The following PTPRG variants were observed in gnomAD, a reference collection of about 807,000 sequenced individuals.
The protein encoded by PTPRG is protein tyrosine phosphatase receptor type G.
Under a neutral mutation model 165.3 loss-of-function variants are expected in PTPRG, and 102 were observed. The ratio of observed to expected loss-of-function variants is 0.62; its 90% CI spans 0.53 to 0.73. The LOEUF (loss-of-function observed/expected upper bound fraction) is 0.73, where lower values mean the gene tolerates loss of function less well. Among genes scored for constraint, PTPRG ranks in the 30% least tolerant of loss-of-function variants. The probability of loss-of-function intolerance (pLI) is 0.00; values close to 1 mark genes in which losing one functional copy is unlikely to be tolerated. For missense variants in PTPRG, 1,866 were observed against 1,861.4 expected, an observed-to-expected ratio of 1.00 and a Z score of -0.05; for synonymous variants, 675 against 669.5, an observed-to-expected ratio of 1.01 and a Z score of -0.13.
At chr3:61,746,819 A>T (rs2033225251) in intron 1 of PTPRG, among the ~76,000 whole-genome samples, 1 of 152,214 alleles carries the variant, frequency 6.6e-6, no homozygotes, top group African/African-American at 2.4e-5. Flanking sequence ...ATTACAAAAC[A>T]GATCCTCTAC....
chr3:61,722,247 G>A (rs376215071), intron 1 of PTPRG, among the ~76,000 whole-genome samples: 26 of 136,510 alleles, frequency 1.9e-4, no homozygotes, highest in African/African-American at 6.9e-4. Flanking sequence ...ACACACACAT[G>A]CACAAAAGAG....
chr3:61,805,519 A>C (rs919410488), intron 2 of PTPRG, among the ~76,000 whole-genome samples: 2 of 145,164 alleles, frequency 1.4e-5, no homozygotes, highest in African/African-American at 5.2e-5. Flanking sequence ...TCTTCCCGAA[A>C]ATGGGAAAGA....
chr3:61,607,891 C>T (rs78929061), intron 1 of PTPRG, among the ~76,000 whole-genome samples: 11,592 of 152,054 alleles, frequency 0.076, 552 homozygotes, highest in African/African-American at 0.13. Context: ...CCAGGCCTGG[C>T]GGGGTTGGGC....
chr3:61,771,469 G>A (rs1407565873), intron 2 of PTPRG: 1 of 151,782 alleles, frequency 6.6e-6, no homozygotes, highest in Non-Finnish European at 1.5e-5. Flanking sequence ...GACCATACAA[G>A]CTGACCATGA....
chr3:61,830,825 C>T (rs1239924409), intron 2 of PTPRG, among the ~76,000 whole-genome samples: 1 of 152,170 alleles, frequency 6.6e-6, no homozygotes, highest in Non-Finnish European at 1.5e-5. Flanking sequence ...CCACCTGCCT[C>T]GGCCTTCCAA....
chr3:62,006,343 T>G (rs919859103), intron 4 of PTPRG, among the ~76,000 whole-genome samples: 2 of 152,212 alleles, frequency 1.3e-5, no homozygotes, highest in Non-Finnish European at 2.9e-5. Flanking sequence ...GTTGCTTGCC[T>G]TTGCCCAAAG....
intron 3 of PTPRG, among the ~76,000 whole-genome samples, chr3:62,000,685 C>T (rs1399588243): frequency 6.6e-6 from 1 of 152,222 alleles, no homozygotes; most frequent in Non-Finnish European, 1.5e-5. Flanking sequence ...CCTATTGTCC[C>T]TGCCTAATGA....
intron 8 of PTPRG, among the ~76,000 whole-genome samples, chr3:62,174,127 G>A (rs73098522): frequency 0.078 from 11,807 of 152,254 alleles, 756 homozygotes; most frequent in East Asian, 0.35. Flanking sequence ...TTATTCTGCA[G>A]CATATCCCGG....
intron 1 of PTPRG, among the ~76,000 whole-genome samples, chr3:61,606,442 A>G (rs566945078): frequency 2.0e-5 from 3 of 152,346 alleles, no homozygotes; most frequent in East Asian, 3.9e-4. Flanking sequence ...TCATTAAATT[A>G]AAGTCAGCTG....
chr3:61,805,843 A>G (rs894321367), intron 2 of PTPRG, among the ~76,000 whole-genome samples: 5 of 152,182 alleles, frequency 3.3e-5, no homozygotes, highest in African/African-American at 1.2e-4. Flanking sequence ...TTTCTTGAGA[A>G]TGGTAGATGT....
intron 1 of PTPRG, among the ~76,000 whole-genome samples, chr3:61,653,907 G>T: frequency 8.0e-6 from 1 of 124,810 alleles, no homozygotes; most frequent in Non-Finnish European, 1.8e-5. Context: ...GGTGGGGGGC[G>T]CGGGGAACTG....
chr3:62,056,691 C>T (rs1034370540), intron 4 of PTPRG, among the ~76,000 whole-genome samples: 3 of 152,190 alleles, frequency 2.0e-5, no homozygotes, highest in Non-Finnish European at 2.9e-5. Context: ...AAAATGTTCC[C>T]AGACATTACC....
chr3:62,113,902 G>C (rs1184098924), intron 5 of PTPRG, among the ~76,000 whole-genome samples: 1 of 152,174 alleles, frequency 6.6e-6, no homozygotes, highest in African/African-American at 2.4e-5. Flanking sequence ...GGATTTATTA[G>C]AGTAACTTCA....
chr3:61,998,351 T>C (rs932979666), intron 3 of PTPRG, among the ~76,000 whole-genome samples: 5 of 152,164 alleles, frequency 3.3e-5, no homozygotes, highest in Non-Finnish European at 7.4e-5. Context: ...ATAATAACCT[T>C]CCTAAAGGTT....
intron 1 of PTPRG, among the ~76,000 whole-genome samples, chr3:61,715,812 C>T (rs2031777554): frequency 6.6e-6 from 1 of 151,016 alleles, no homozygotes; most frequent in African/African-American, 2.4e-5. Context: ...CTGTGGTCTC[C>T]AGATTAGAAA....
At chr3:62,134,571 TTTC>T (rs1210221045) in intron 6 of PTPRG, among the ~76,000 whole-genome samples, 3 of 152,246 alleles carry the variant, frequency 2.0e-5, no homozygotes, top group Non-Finnish European at 4.4e-5. Context: ...TAGAAAGTTG[TTTC>T]TTAAGTATCC....
intron 28 of PTPRG, among the ~76,000 whole-genome samples, chr3:62,291,565 A>G (rs1215938295): frequency 6.6e-6 from 1 of 152,172 alleles, no homozygotes; most frequent in African/African-American, 2.4e-5. Context: ...TCTTATTTGT[A>G]TTAAAGATAT....
intron 12 of PTPRG, among the ~76,000 whole-genome samples, chr3:62,209,496 G>T (rs1418235869): frequency 6.6e-6 from 1 of 151,534 alleles, no homozygotes; most frequent in African/African-American, 2.4e-5. Context: ...GCAGTACCCA[G>T]CTGTCTAGGG....
intron 4 of PTPRG, among the ~76,000 whole-genome samples, chr3:62,034,490 G>C (rs1699879270): frequency 6.6e-6 from 1 of 152,242 alleles, no homozygotes; most frequent in African/African-American, 2.4e-5. Flanking sequence ...CGGTCTCTTG[G>C]AAAGGCAGCA....
Sources: allele counts gnomAD v4.1 joint callset (sites outside exome capture counted in the v4.1 genomes callset), GRCh38; gene constraint gnomAD v4.1.1; transcripts MANE v1.5; gene names NCBI Gene and HGNC (gene_info 2026-07-23, HGNC 2026-07-21).